IFFO2: variants seen among roughly 807,000 people sequenced by gnomAD.
IFFO2 encodes the protein intermediate filament family orphan 2.
In IFFO2, 19 loss-of-function variants were observed where a neutral mutation model predicts 53.5. The observed-to-expected ratio is 0.36, with a 90% confidence interval of 0.25 to 0.52. IFFO2 has a LOEUF of 0.52. Ranked by LOEUF, IFFO2 falls within the 20% of genes least tolerant of loss-of-function variation. The pLI is 0.94. For missense variants in IFFO2, 570 were observed against 727.4 expected (o/e 0.78, Z 2.49); for synonymous variants, 303 against 313.6 (o/e 0.97, Z 0.36).
In IFFO2 at chr1:18,917,932, C is replaced by T. The variant is rs902926073; in HGVS notation, c.963+430G>A. 6.6e-6 allele frequency among the ~76,000 whole-genome samples: 1 copy of T among 152,240 alleles called. No individual in the cohort carries two copies. The highest frequency in any genetic ancestry group is 1.5e-5 in the Non-Finnish European group (1 of 68,042). The stretch of plus-strand genomic sequence containing the variant: ...GAACTCTGAGGCCCCTCTACCAGAG[C>T]TCAGGCCAGCTCCCCCACTTCTCCC... On this transcript the variant is annotated intron_variant, in intron 4 of 8. Transcript: ENST00000455833. The surrounding 1 kb of genome is among the most constrained non-coding windows in gnomAD (Gnocchi z 5.9).
chr1:18,916,982 C>T lies in IFFO2; in HGVS notation c.1024G>A (p.Gly342Arg), dbSNP rs781701047. The part of the protein sequence containing the change: ...ASDDDISEQD[G>R]EVNRFSDDEV... The stretch of plus-strand genomic sequence containing the variant: ...TCGTCCGAGAACCGGTTCACCTCCC[C>T]GTCCTGCTCAGAGATGTCATCATCG... The change falls in exon 5 of 9, where the codon GGG becomes AGG. Residue 342 changes from glycine to arginine, a missense_variant. By Grantham distance (125) the Gly-to-Arg change is moderately radical. Transcript: ENST00000455833. This position sits in a 1 kb window ranked among gnomAD's most constrained non-coding sequence, Gnocchi z 4.3. The T allele has an allele frequency of 7.7e-6, 12 of 1,552,218 alleles. No homozygotes were observed. Among genetic ancestry groups the T allele is most frequent in the Admixed American group, 3.9e-5 (2 of 51,018 alleles).
rs979878869 is a variant in IFFO2, at chr1:18,921,098, C to T, written c.689G>A (p.Arg230His). 16 of 1,551,828 alleles carry T rather than the reference C, an allele frequency of 1.0e-5. No homozygotes were observed. The highest frequency in any genetic ancestry group is 2.4e-5 in the South Asian group (2 of 84,068). The change falls in exon 2 of 9, where the codon CGC becomes CAC. Residue 230 changes from arginine (R) to histidine (H), a missense_variant. Coordinates refer to ENST00000455833, the MANE Select transcript of IFFO2 (RefSeq NM_001136265.2). Reference sequence around the variant, plus strand: ...GTCCACCATGGTCTGAAGGTTCATGCGCTTGGCGAGCTCCTCCTCCCACCT... The same window carrying T: ...GTCCACCATGGTCTGAAGGTTCATGTGCTTGGCGAGCTCCTCCTCCCACCT... ...KRRWEEELAK[R>H]MNLQTMVDTL... is the part of the protein sequence containing the mutation.
chr1:18,921,782 C>A (rs1936218757), intron 1 of IFFO2, among the ~76,000 whole-genome samples: 1 of 152,120 alleles, frequency 6.6e-6, no homozygotes, highest in Non-Finnish European at 1.5e-5. Flanking sequence ...TACTATGTGC[C>A]AAGCCCTGTT....
rs746805524 is a variant in IFFO2 at position 18,918,533 on chromosome 1, C to T, written c.823-31G>A. 2.3e-5 allele frequency: 35 copies of T among 1,549,764 alleles called. No homozygotes were observed. The highest frequency in any genetic ancestry group is 1.7e-4 in the Middle Eastern group (1 of 6,010). On this transcript the variant is annotated intron_variant, in intron 3 of 8. Transcript: ENST00000455833. The surrounding 1 kb of genome is among the most constrained non-coding windows in gnomAD (Gnocchi z 5.2). ...GGGAGGACAGCAGGGTTTACATGAG[C>T]GAGGGATGGAGCAAGCCTGGGGGGC... is the stretch of plus-strand genomic sequence containing the variant.
chr1:18,911,462 C>T lies in IFFO2; in HGVS notation c.1239G>A (p.Leu413=). 1 of 1,506,214 alleles carries T rather than the reference C, an allele frequency of 6.6e-7. No homozygotes were observed. Among genetic ancestry groups the T allele is most frequent in the Non-Finnish European group, 8.9e-7 (1 of 1,126,450 alleles). The allele number at this position is 1,506,214 out of a possible 1,614,324, so 93.3% of individuals were successfully genotyped here. A position where few individuals can be genotyped will look rare whatever the true frequency, so the allele number is the denominator to read the frequency against. The change falls in exon 7 of 9, where the codon TTG becomes TTA. Residue 413 remains leucine, a synonymous_variant. Coordinates refer to ENST00000455833, the MANE Select transcript of IFFO2 (RefSeq NM_001136265.2). Reference sequence around the variant, plus strand: ...ATTCGGTCTCATGGATCAAGTTGCCCAAGTTTTCCTCTTGCTGGGGAAATA... The same window carrying T: ...ATTCGGTCTCATGGATCAAGTTGCCTAAGTTTTCCTCTTGCTGGGGAAATA... The part of the protein sequence containing the change: ...IDLQGEQEEN[L]GNLIHETESF...
chr1:18,910,592 T>G, intron 7 of IFFO2, 120 bp from the exon 8 acceptor site: 2 of 1,160,572 alleles, frequency 1.7e-6, no homozygotes, highest in Non-Finnish European at 1.2e-6. Flanking sequence ...TTGGACACCA[T>G]GCCATCAGGA....
In IFFO2 at chr1:18,906,013, A is replaced by AG. The variant is rs1190279531; in HGVS notation, c.*2547dup. ...GCTGTGGGCTCATGGTGAGGGGACA[A>AG]GCAGGGCCCACTGACATTAACTGAA... On this transcript the variant is annotated 3_prime_UTR_variant, in exon 9 of 9. Coordinates refer to ENST00000455833, the MANE Select transcript of IFFO2 (RefSeq NM_001136265.2). The AG allele has an allele frequency of 8.5e-5, 13 of 152,422 alleles. 1 individual carries two copies. The highest frequency in any genetic ancestry group is 8.5e-4 in the Admixed American group (13 of 15,298). The allele number at this position is 152,422 out of a possible 1,614,324, so 9.4% of individuals were successfully genotyped here.
At chr1:18,914,031 CCG>C (rs1158305071) in intron 5 of IFFO2, among the ~76,000 whole-genome samples, 1 of 152,158 alleles carries the variant, frequency 6.6e-6, no homozygotes, top group African/African-American at 2.4e-5. Flanking sequence ...CAGCGTTTCA[CCG>C]TGTTAGCCAG....
intron 2 of IFFO2, among the ~76,000 whole-genome samples, chr1:18,920,238 TG>T (rs1205789208): frequency 6.6e-6 from 1 of 152,350 alleles, no homozygotes; most frequent in Non-Finnish European, 1.5e-5. Flanking sequence ...TTTTTATTTT[TG>T]GGCTTTTCTA....
At chr1:18,929,378 G>A (rs1470507365) in intron 1 of IFFO2, among the ~76,000 whole-genome samples, 2 of 152,324 alleles carry the variant, frequency 1.3e-5, no homozygotes, top group South Asian at 2.1e-4. Context: ...GTGGGTGAAA[G>A]TCTGGGCCCC....
At chr1:18,911,031 T>C (rs1211345726) in intron 7 of IFFO2, among the ~76,000 whole-genome samples, 1 of 152,200 alleles carries the variant, frequency 6.6e-6, no homozygotes, top group Non-Finnish European at 1.5e-5. Flanking sequence ...GTAAAAGGGG[T>C]GCACGGTGCC....
At chr1:18,909,330 G>A (rs530912466) in intron 8 of IFFO2, among the ~76,000 whole-genome samples, 2 of 152,170 alleles carry the variant, frequency 1.3e-5, no homozygotes, top group East Asian at 1.9e-4. Flanking sequence ...CATTCTCAGC[G>A]TGGCTGTCCC....
Position 18,956,229 on chromosome 1 carries a change from G to T in IFFO2, c.104C>A (p.Ala35Glu). The change falls in exon 1 of 9, where the codon GCA (alanine) becomes GAA (glutamate). Residue 35 changes from alanine (A) to glutamate (E), a missense_variant. Transcript: ENST00000455833. The surrounding 1 kb of genome is among the most constrained non-coding windows in gnomAD (Gnocchi z 6.4). ...CPGGGGGGGG[A>E]GPGPSPVTAA... ...CGTCACCGGCGACGGACCCGGCCCT[G>T]CCCCGCCGCCGCCGCCGCCCCCGCC... 7.9e-7 allele frequency: 1 copy of T among 1,262,194 alleles called. No homozygotes were observed. The allele number at this position is 1,262,194 out of a possible 1,614,324, so 78.2% of individuals were successfully genotyped here.
Position 18,917,076 on chromosome 1 carries a change from G to A in IFFO2, c.964-34C>T, listed in dbSNP as rs560807885. 3.2e-6 allele frequency: 5 copies of A among 1,550,606 alleles called. No individual in the cohort carries two copies. In the South Asian group the frequency reaches 4.8e-5, roughly 15 times the overall value. On this transcript the variant is annotated intron_variant, in intron 4 of 8. Coordinates refer to ENST00000455833, the MANE Select transcript of IFFO2 (RefSeq NM_001136265.2). The surrounding 1 kb of genome is among the most constrained non-coding windows in gnomAD (Gnocchi z 5.9). ...GAAAGGAAGCAATCAAGGTAACTGGGGGGCTCGGCTAGGATGGAAGGTAGG... is the reference window on the plus strand; with the variant it reads ...GAAAGGAAGCAATCAAGGTAACTGGAGGGCTCGGCTAGGATGGAAGGTAGG...
chr1:18,925,124 G>A (rs971928173), intron 1 of IFFO2, among the ~76,000 whole-genome samples: 1 of 152,024 alleles, frequency 6.6e-6, no homozygotes, highest in Non-Finnish European at 1.5e-5. Context: ...TTACCTTCTC[G>A]GTGGTATCCA....
Position 18,916,221 on chromosome 1 carries a change from C to T in IFFO2, c.1103+682G>A, listed in dbSNP as rs1163031744. ...AGACATGTCCAGAGAGAGGACAGCCCAGCCCCTGTATCTCATGGGCAAGAA... is the reference window on the plus strand; with the variant it reads ...AGACATGTCCAGAGAGAGGACAGCCTAGCCCCTGTATCTCATGGGCAAGAA... On this transcript the variant is annotated intron_variant, in intron 5 of 8. Transcript: ENST00000455833. This position sits in a 1 kb window ranked among gnomAD's most constrained non-coding sequence, Gnocchi z 4.3. Among the ~76,000 whole-genome samples, 1 of 152,160 alleles carries T rather than the reference C, an allele frequency of 6.6e-6. No individual in the cohort carries two copies. The highest frequency in any genetic ancestry group is 1.5e-5 in the Non-Finnish European group (1 of 68,028).
At chr1:18,911,924 C>A in intron 6 of IFFO2, 39 bp downstream of exon 6, 1 of 1,550,338 alleles carries the variant, frequency 6.5e-7, no homozygotes, top group East Asian at 2.4e-5. Context: ...CCCCCAGACC[C>A]CTAGTCCTGG....
At chr1:18,945,254 C>A (rs766599330) in intron 1 of IFFO2, among the ~76,000 whole-genome samples, 1 of 152,154 alleles carries the variant, frequency 6.6e-6, no homozygotes, top group Non-Finnish European at 1.5e-5. Flanking sequence ...CCCAGACCTC[C>A]GAGACTCTCT....
At chr1:18,941,568 A>C (rs549312067) in intron 1 of IFFO2, among the ~76,000 whole-genome samples, 2 of 152,170 alleles carry the variant, frequency 1.3e-5, no homozygotes, top group African/African-American at 2.4e-5. Flanking sequence ...CATCGCCTAC[A>C]GGGGCCCAGA....
Sources: gnomAD v4.1 joint callset for allele counts (sites outside exome capture counted in the v4.1 genomes callset) on GRCh38, gnomAD v4.1.1 for gene constraint, Gnocchi (gnomAD v3.1) non-coding constraint, MANE v1.5 for transcripts, NCBI Gene and HGNC (gene_info 2026-07-23, HGNC 2026-07-21) for gene names.